The following MGST1 variants were observed in gnomAD, a reference collection of about 807,000 sequenced individuals.
The protein encoded by MGST1 is microsomal glutathione S-transferase 1, also known as glutathione S-transferase 12.
In MGST1, 5 loss-of-function variants were observed where a neutral mutation model predicts 8.9. The ratio of observed to expected loss-of-function variants is 0.56; its 90% confidence interval spans 0.29 to 1.19. MGST1 has a LOEUF of 1.19. Ranked by LOEUF, MGST1 falls within the 50% of genes most tolerant of loss-of-function variation. The pLI is 0.08. For synonymous variants in MGST1, 54 were observed against 67.8 expected (o/e 0.80, Z 1.00); for missense variants, 182 against 187.4 (o/e 0.97, Z 0.17).
At chr12:16,394,080 G>T (rs77178133) in intron 1 of MGST1, among the ~76,000 whole-genome samples, 5,093 of 152,116 alleles carry the variant, frequency 0.033, 290 homozygotes, top group African/African-American at 0.12. Context: ...AATTACACTA[G>T]GTAATTACAA....
chr12:16,465,467 G>A (rs527509160), intron 4 of MGST1, among the ~76,000 whole-genome samples: 42 of 152,270 alleles, frequency 2.8e-4, no homozygotes, highest in African/African-American at 1.0e-3. Context: ...GGAGGTGAGC[G>A]TCGTGAGTGA....
At chr12:16,476,438 C>A (rs531828594) in intron 4 of MGST1, among the ~76,000 whole-genome samples, 1 of 152,224 alleles carries the variant, frequency 6.6e-6, no homozygotes, top group Non-Finnish European at 1.5e-5. Flanking sequence ...TATACTGCAA[C>A]CTTCTCTCAG....
rs975271696 is a variant in MGST1, at chr12:16,589,520, T to C, written n.483-8T>C. On this transcript the variant is annotated splice_region_variant and splice_polypyrimidine_tract_variant and intron_variant and non_coding_transcript_variant, in intron 4 of 4. Coordinates refer to the MGST1 transcript ENST00000538857. The surrounding 1 kb of genome is among the most constrained non-coding windows in gnomAD (Gnocchi z 4.2). Reference sequence around the variant, plus strand: ...TTAAAATCTCCTGAAAAATTATGTCTTTTTTAGGTTGCTGCAGAAGTCAAG... The same window carrying C: ...TTAAAATCTCCTGAAAAATTATGTCCTTTTTAGGTTGCTGCAGAAGTCAAG... The C allele has an allele frequency of 2.0e-5, 3 of 152,104 alleles. No individual in the cohort carries two copies. The highest frequency in any genetic ancestry group is 2.4e-5 in the African/African-American group (1 of 41,426). The allele number at this position is 152,104 out of a possible 1,614,324, so 9.4% of individuals were successfully genotyped here. A position where few individuals can be genotyped will look rare whatever the true frequency, so the allele number is the denominator to read the frequency against.
intron 1 of MGST1, among the ~76,000 whole-genome samples, chr12:16,431,449 G>T (rs1304778767): frequency 6.6e-6 from 1 of 151,636 alleles, no homozygotes; most frequent in Non-Finnish European, 1.5e-5. Context: ...TGCGAGATGT[G>T]CAACTCTTTT....
At chr12:16,418,857 ATGT>A (rs1940807932) in intron 1 of MGST1, among the ~76,000 whole-genome samples, 2 of 152,166 alleles carry the variant, frequency 1.3e-5, no homozygotes, top group South Asian at 2.1e-4. Context: ...TGACATCTTT[ATGT>A]TGTTAAACTG....
rs1940653447 is a variant in MGST1, at chr12:16,401,263, G to A, written n.778+17659G>A. 4 of 1,564,078 alleles carry A rather than the reference G, an allele frequency of 2.6e-6. No homozygotes were observed. Among genetic ancestry groups the A allele is most frequent in the African/African-American group, 2.7e-5 (2 of 73,806 alleles). Reference sequence around the variant, plus strand: ...TTCTGGCTTTTTCCCCTCCTTGTTAGTCAGGTCTGAGAATCCCAAACTGAT... The same window carrying A: ...TTCTGGCTTTTTCCCCTCCTTGTTAATCAGGTCTGAGAATCCCAAACTGAT... On this transcript the variant is annotated intron_variant and non_coding_transcript_variant, in intron 1 of 1. Transcript: ENST00000359720. This position sits in a 1 kb window ranked among gnomAD's most constrained non-coding sequence, Gnocchi z 4.3.
chr12:16,383,798 C>T (rs1251853575), intron 1 of MGST1, among the ~76,000 whole-genome samples: 1 of 152,192 alleles, frequency 6.6e-6, no homozygotes, highest in Non-Finnish European at 1.5e-5. Context: ...AAGATGTTGC[C>T]ATGTGGGGAC....
intron 4 of MGST1, among the ~76,000 whole-genome samples, chr12:16,532,191 A>G (rs1941727503): frequency 6.6e-6 from 1 of 152,124 alleles, no homozygotes; most frequent in Non-Finnish European, 1.5e-5. Flanking sequence ...ATTGCATCTT[A>G]AAGTTGTTTT....
chr12:16,426,678 C>T (rs1037798099), intron 1 of MGST1, among the ~76,000 whole-genome samples: 5 of 152,104 alleles, frequency 3.3e-5, no homozygotes, highest in Admixed American at 6.6e-5. Flanking sequence ...CAAGGCCGGG[C>T]GCGTGGCTCA....
intron 4 of MGST1, among the ~76,000 whole-genome samples, chr12:16,561,199 C>T (rs2137339138): frequency 6.6e-6 from 1 of 152,116 alleles, no homozygotes; most frequent in East Asian, 1.9e-4. Flanking sequence ...AAAAAAAATT[C>T]CTATTTGCTG....
rs12816285 is a variant in MGST1, at chr12:16,482,375, G to A, written n.482+98771G>A. Reference sequence around the variant, plus strand: ...GGGCCGGGTGCAGTGGCTCACGCCTGTAATCTTAGCACTTTAGGAGGCCAA... The same window carrying A: ...GGGCCGGGTGCAGTGGCTCACGCCTATAATCTTAGCACTTTAGGAGGCCAA... On this transcript the variant is annotated intron_variant and non_coding_transcript_variant, in intron 4 of 4. Transcript: ENST00000538857. This position sits in a 1 kb window ranked among gnomAD's most constrained non-coding sequence, Gnocchi z 4.2. 0.14 allele frequency among the ~76,000 whole-genome samples: 21,836 copies of A among 152,234 alleles called. 2,005 individuals carry two copies. The highest frequency in any genetic ancestry group is 0.21 in the Non-Finnish European group (14,100 of 68,006).
chr12:16,486,718 C>G (rs1006027162), intron 4 of MGST1, among the ~76,000 whole-genome samples: 3 of 152,148 alleles, frequency 2.0e-5, no homozygotes, highest in Admixed American at 6.5e-5. Context: ...GTGCTTAATA[C>G]GATCAGTCCT....
At position 16,530,408 on chromosome 12, in the gene MGST1, A is replaced by T. The variant is rs982101048; in HGVS notation, n.483-59120A>T. On this transcript the variant is annotated intron_variant and non_coding_transcript_variant, in intron 4 of 4. Coordinates refer to the MGST1 transcript ENST00000538857. Reference sequence around the variant, plus strand: ...GTTAATTGTTCCAAACACCTGCTACAAACTCAGCCCCTGAACAAACAAAAA... The same window carrying T: ...GTTAATTGTTCCAAACACCTGCTACTAACTCAGCCCCTGAACAAACAAAAA... Among the ~76,000 whole-genome samples, 4 of 152,234 alleles carry T rather than the reference A, an allele frequency of 2.6e-5. No individual in the cohort carries two copies. The East Asian group carries it at 7.7e-4, about 29-fold the overall frequency.
At chr12:16,477,801 TGTC>T (rs1053602088) in intron 4 of MGST1, among the ~76,000 whole-genome samples, 5 of 152,230 alleles carry the variant, frequency 3.3e-5, no homozygotes, top group African/African-American at 1.2e-4. Context: ...GTCCCTGTTC[TGTC>T]ATATTGTCTC....
chr12:16,449,267 TAGCAAGAGCAG>T (rs1256643656), intron 4 of MGST1, among the ~76,000 whole-genome samples: 1 of 151,846 alleles, frequency 6.6e-6, no homozygotes, highest in Non-Finnish European at 1.5e-5. Context: ...GTGTATCACA[TAGCAAGAGCAG>T]AGCAAGAGCA....
chr12:16,448,255 T>A (rs1356730039), intron 4 of MGST1, among the ~76,000 whole-genome samples: 2 of 151,984 alleles, frequency 1.3e-5, no homozygotes, highest in East Asian at 1.9e-4. Context: ...TCTCCTATAA[T>A]TTATATAATT....
chr12:16,551,598 T>C (rs1941991969), intron 4 of MGST1, among the ~76,000 whole-genome samples: 1 of 151,846 alleles, frequency 6.6e-6, no homozygotes, highest in Admixed American at 6.6e-5. Context: ...ACTTGCTTTT[T>C]TTTTTTTTAA....
intron 4 of MGST1, among the ~76,000 whole-genome samples, chr12:16,451,884 G>A (rs570093349): frequency 1.3e-3 from 195 of 151,816 alleles, no homozygotes; most frequent in Non-Finnish European, 2.2e-3. Context: ...TTATGTTTTA[G>A]GCATGTTTTC....
chr12:16,480,068 T>C (rs965167326), intron 4 of MGST1, among the ~76,000 whole-genome samples: 3 of 151,198 alleles, frequency 2.0e-5, no homozygotes, highest in African/African-American at 7.3e-5. Context: ...ATCCTTTGGA[T>C]AATACACAAA....
Sources: gnomAD v4.1 joint callset for allele counts (sites outside exome capture counted in the v4.1 genomes callset) on GRCh38, gnomAD v4.1.1 for gene constraint, Gnocchi (gnomAD v3.1) non-coding constraint, MANE v1.5 for transcripts, NCBI Gene and HGNC (gene_info 2026-07-23, HGNC 2026-07-21) for gene names.